The following MCOLN3 variants were observed in gnomAD, a reference collection of about 807,000 sequenced individuals.
The protein encoded by MCOLN3 is mucolipin-3.
MCOLN3 carries 62 observed loss-of-function variants against 69.4 expected under a neutral mutation model. The observed-to-expected ratio is 0.89, with a 90% CI of 0.73 to 1.10. The LOEUF is 1.10. Ranked by LOEUF, MCOLN3 falls within the 50% of genes least tolerant of loss-of-function variation. The pLI is 0.00. For missense variants in MCOLN3, 564 were observed against 656.4 expected (o/e 0.86, Z 1.54); for synonymous variants, 183 against 217.0 (o/e 0.84, Z 1.38).
intron 3 of MCOLN3, chr1:85,036,671 C>G (rs943832316): frequency 2.0e-5 from 3 of 152,126 alleles, no homozygotes; most frequent in Admixed American, 2.0e-4. Context: ...CTAACTCTGC[C>G]CCCTCATACT....
chr1:85,047,774 G>A (rs894327428), intron 1 of MCOLN3, among the ~76,000 whole-genome samples: 2 of 152,156 alleles, frequency 1.3e-5, no homozygotes, highest in Non-Finnish European at 2.9e-5. Context: ...CAAACAACAA[G>A]GGTTGACACT....
chr1:85,029,111 C>G lies in MCOLN3; in HGVS notation c.827G>C (p.Gly276Ala). The G allele has an allele frequency of 6.4e-7, 1 of 1,573,090 alleles. No individual in the cohort carries two copies. The highest frequency in any genetic ancestry group is 8.7e-7 in the Non-Finnish European group (1 of 1,143,198). Residue 276 changes from glycine to alanine, a missense_variant, in exon 7 of 13, where the codon GGA becomes GCA. Gly to Ala is a moderately conservative substitution (Grantham distance 60, BLOSUM62 0). Coordinates refer to ENST00000370589, the MANE Select transcript of MCOLN3 (RefSeq NM_018298.11). ...TAGTAATGCGCATCACTTACTTGAT[C>G]CAGATACATGCCAGTCTTTACATTC... ...IRECKDWHVS[G>A]SIQKNTHYMM...
chr1:85,034,536 C>T (rs372289269), intron 3 of MCOLN3, among the ~76,000 whole-genome samples: 14 of 152,168 alleles, frequency 9.2e-5, no homozygotes, highest in Admixed American at 9.2e-4. Flanking sequence ...GCATTTCTTT[C>T]CTCCCTTAAA....
intron 3 of MCOLN3, among the ~76,000 whole-genome samples, chr1:85,040,211 C>A (rs1438437967): frequency 1.3e-5 from 2 of 152,138 alleles, no homozygotes; most frequent in African/African-American, 2.4e-5. Context: ...CCAGTGCTAA[C>A]AGAAAGACTT....
chr1:85,027,530 T>G (rs373696999), intron 7 of MCOLN3, among the ~76,000 whole-genome samples: 171 of 152,258 alleles, frequency 1.1e-3, no homozygotes, highest in African/African-American at 3.9e-3. Context: ...GTTCTTGGCA[T>G]TTTTTGGGAG....
chr1:85,045,100 G>C, intron 2 of MCOLN3, 33 bp downstream of exon 2: 1 of 1,532,034 alleles, frequency 6.5e-7, no homozygotes, highest in Non-Finnish European at 8.9e-7. Context: ...ATTAAAAGAG[G>C]CTTTCACCAA....
intron 3 of MCOLN3, among the ~76,000 whole-genome samples, chr1:85,034,720 G>A (rs1336327796): frequency 1.3e-5 from 2 of 152,192 alleles, no homozygotes; most frequent in East Asian, 3.9e-4. Context: ...CTTTATCTTT[G>A]CAAGATTATA....
chr1:85,035,916 C>T (rs1652776969), intron 3 of MCOLN3, among the ~76,000 whole-genome samples: 2 of 151,838 alleles, frequency 1.3e-5, no homozygotes, highest in Non-Finnish European at 2.9e-5. Context: ...GAAGGTTCTT[C>T]CTTGAGATAG....
intron 12 of MCOLN3, among the ~76,000 whole-genome samples, chr1:85,019,962 G>C (rs1051736663): frequency 5.3e-5 from 8 of 152,312 alleles, no homozygotes; most frequent in African/African-American, 1.4e-4. Flanking sequence ...CAAGTGCTCT[G>C]AGCCCACGGA....
chr1:85,026,782 A>T (rs967521096), intron 7 of MCOLN3, among the ~76,000 whole-genome samples: 12 of 151,316 alleles, frequency 7.9e-5, no homozygotes, highest in Admixed American at 2.6e-4. Context: ...AAAAATCACC[A>T]CAACTATCAT....
rs1271750143 is a variant in MCOLN3 at position 85,032,711 on chromosome 1, A to T, written c.717T>A (p.Tyr239Ter). 1 of 1,613,574 alleles carries T rather than the reference A, an allele frequency of 6.2e-7. No individual in the cohort carries two copies. Among genetic ancestry groups the T allele is most frequent in the Non-Finnish European group, 8.5e-7 (1 of 1,179,466 alleles). ...CCACACTTACAGTCAGAGTAAAGTC[A>T]TAACAGTCAGGGAGTTCTTGATGAC... ...TVRHQELPDC[Y>*]DFTLTITFDN... Residue 239 changes from tyrosine (Y) to a stop codon, truncating the protein, a stop_gained, in exon 6 of 13, where the codon TAT becomes TAA. Transcript: ENST00000370589. LOFTEE classifies it high-confidence loss of function.
intron 9 of MCOLN3, 124 bp downstream of exon 9, chr1:85,025,814 TC>T: frequency 2.0e-6 from 2 of 1,001,042 alleles, no homozygotes; most frequent in Non-Finnish European, 2.9e-6. Flanking sequence ...ATTACCAATT[TC>T]AAGTCTACTT....
At chr1:85,026,492 C>T (rs1165299801) in intron 7 of MCOLN3, among the ~76,000 whole-genome samples, 2 of 152,134 alleles carry the variant, frequency 1.3e-5, no homozygotes, top group Non-Finnish European at 2.9e-5. Flanking sequence ...TGTGGTGGCT[C>T]ATGCCTGTAA....
intron 1 of MCOLN3, among the ~76,000 whole-genome samples, chr1:85,046,715 A>G (rs753026868): frequency 9.2e-5 from 14 of 152,352 alleles, no homozygotes; most frequent in Admixed American, 7.2e-4. Flanking sequence ...TACTGGCTAT[A>G]AAGAATAGCA....
At chr1:85,031,773 C>T (rs914169881) in intron 6 of MCOLN3, among the ~76,000 whole-genome samples, 3 of 152,044 alleles carry the variant, frequency 2.0e-5, no homozygotes, top group Non-Finnish European at 2.9e-5. Flanking sequence ...AGATAATTGA[C>T]TGTTTAAAGA....
At position 85,034,335 on chromosome 1, in the gene MCOLN3, A is replaced by G. The variant is rs1394656954; in HGVS notation, c.397-84T>C. The G allele has an allele frequency of 2.1e-6, 3 of 1,422,226 alleles. No individual in the cohort carries two copies. The African/African-American group carries it at 4.2e-5, about 20-fold the overall frequency. The allele number at this position is 1,422,226 out of a possible 1,614,324, so 88.1% of individuals were successfully genotyped here. On this transcript the variant is annotated intron_variant, in intron 3 of 12. Coordinates refer to ENST00000370589, the MANE Select transcript of MCOLN3 (RefSeq NM_018298.11). ...TAACTCCCCTCCCTCCCCACCTCTG[A>G]TCCTGGCAGGTTCCCTTGGGATAGA...
At chr1:85,044,413 T>C (rs1653234788) in intron 2 of MCOLN3, among the ~76,000 whole-genome samples, 1 of 152,224 alleles carries the variant, frequency 6.6e-6, no homozygotes, top group Non-Finnish European at 1.5e-5. Context: ...ATCACATCTA[T>C]TTTTCTCACT....
intron 11 of MCOLN3, among the ~76,000 whole-genome samples, chr1:85,021,679 C>G (rs1265810056): frequency 1.3e-5 from 2 of 152,150 alleles, no homozygotes; most frequent in East Asian, 3.9e-4. Context: ...ATATTCCAGA[C>G]TATAGCTCTA....
At position 85,022,376 on chromosome 1, in the gene MCOLN3, T is replaced by C; in HGVS notation, c.1120A>G (p.Ser374Gly). ...ATGGTAGAAGTCCCAAGAAGTATGC[T>C]ACAGACATCATAACTAGTTAGACTC... ...AKSLTSYDVC[S>G]ILLGTSTMLV... The change falls in exon 10 of 13, where the codon AGC becomes GGC. Residue 374 changes from serine (S) to glycine (G), a missense_variant. Transcript: ENST00000370589. 6.2e-7 allele frequency: 1 copy of C among 1,611,622 alleles called. No homozygotes were observed. The highest frequency in any genetic ancestry group is 8.5e-7 in the Non-Finnish European group (1 of 1,178,040).
Sources: gnomAD v4.1 joint callset for allele counts (sites outside exome capture counted in the v4.1 genomes callset) on GRCh38, gnomAD v4.1.1 for gene constraint, MANE v1.5 for transcripts, NCBI Gene and HGNC (gene_info 2026-07-23, HGNC 2026-07-21) for gene names.